PCM1: variants seen among roughly 807,000 people sequenced by gnomAD.
PCM1 encodes pericentriolar material 1 protein.
Under a neutral mutation model 241.9 loss-of-function variants are expected in PCM1, and 157 were observed. The ratio of observed to expected loss-of-function variants is 0.65; its 90% CI spans 0.57 to 0.74. The LOEUF (loss-of-function observed/expected upper bound fraction) is 0.74. PCM1 is among the 30% of genes least tolerant of loss of function. The pLI, the probability that PCM1 is intolerant of heterozygous loss-of-function variation, is 0.00. For missense variants in PCM1, 3,478 were observed against 2,360.1 expected (o/e 1.47, Z -9.81); for synonymous variants, 1,085 against 784.9 (o/e 1.38, Z -6.39).
chr8:18,000,560 A>G (rs574550722), intron 29 of PCM1, among the ~76,000 whole-genome samples: 1 of 151,444 alleles, frequency 6.6e-6, no homozygotes, highest in Non-Finnish European at 1.5e-5. Context: ...CTAGGAGGAA[A>G]TACGATTTAC....
intron 21 of PCM1, among the ~76,000 whole-genome samples, chr8:17,968,121 G>C (rs921191018): frequency 1.3e-5 from 2 of 151,606 alleles, no homozygotes; most frequent in Non-Finnish European, 2.9e-5. Flanking sequence ...AGAGAGATTA[G>C]AAATGAAAGG....
chr8:17,995,354 T>A (rs1054241706), intron 29 of PCM1, among the ~76,000 whole-genome samples: 2 of 151,322 alleles, frequency 1.3e-5, no homozygotes, highest in Admixed American at 6.6e-5. Context: ...TGTGGATTTG[T>A]TTCTGGGTTC....
intron 24 of PCM1, among the ~76,000 whole-genome samples, chr8:17,981,211 G>A (rs577515384): frequency 6.6e-6 from 1 of 152,220 alleles, no homozygotes; most frequent in Admixed American, 6.5e-5. Context: ...TCTTTCTGTG[G>A]CACTGAACTG....
rs114183622 is a variant in PCM1 at position 17,977,585 on chromosome 8, A to T, written c.3944-3006A>T. 7.5e-3 allele frequency among the ~76,000 whole-genome samples: 1,146 copies of T among 152,132 alleles called. 9 individuals are homozygous for T. Among genetic ancestry groups the T allele is most frequent in the African/African-American group, 0.027 (1,100 of 41,508 alleles). ...CTTGGAGAAAGCTATGTTGGAGGAGATCCTTGCAATTCCTCCTGTTATTAA... is the reference window on the plus strand; with the variant it reads ...CTTGGAGAAAGCTATGTTGGAGGAGTTCCTTGCAATTCCTCCTGTTATTAA... On this transcript the variant is annotated intron_variant, in intron 23 of 38. Coordinates refer to ENST00000325083, the MANE Select transcript of PCM1 (RefSeq NM_006197.4).
At chr8:17,938,632 G>A in intron 4 of PCM1, 108 bp from the exon 5 acceptor site, 2 of 725,982 alleles carry the variant, frequency 2.8e-6, no homozygotes, top group Admixed American at 2.4e-5. Context: ...CTCTTTGTGT[G>A]CACCTTCTGA....
intron 36 of PCM1, 141 bp from the exon 37 acceptor site, chr8:18,025,220 A>G (rs1038337025): frequency 8.3e-5 from 37 of 443,926 alleles, no homozygotes; most frequent in African/African-American, 5.5e-4. Flanking sequence ...TATGAACTGC[A>G]TATTTCTAAA....
At chr8:17,972,890 A>G (rs1055172550) in intron 23 of PCM1, among the ~76,000 whole-genome samples, 1 of 152,154 alleles carries the variant, frequency 6.6e-6, no homozygotes, top group African/African-American at 2.4e-5. Flanking sequence ...TTTCTGGATT[A>G]ATGTTGTAAA....
intron 29 of PCM1, among the ~76,000 whole-genome samples, chr8:17,995,033 T>C (rs73196053): frequency 0.048 from 7,300 of 151,584 alleles, 275 homozygotes; most frequent in Non-Finnish European, 0.069. Flanking sequence ...TAACTTGATG[T>C]GATCCCATTT....
chr8:17,949,151 A>T (rs937968119), intron 7 of PCM1, among the ~76,000 whole-genome samples: 1 of 152,206 alleles, frequency 6.6e-6, no homozygotes, highest in African/African-American at 2.4e-5. Context: ...ACTTCATACT[A>T]TTTCAAAAAG....
chr8:18,011,168 AT>A (rs1182774822), intron 32 of PCM1, 68 bp from the exon 33 acceptor site: 3 of 1,047,638 alleles, frequency 2.9e-6, no homozygotes, highest in Non-Finnish European at 4.0e-6. Flanking sequence ...TATTAATACG[AT>A]AGACTTACTA....
Position 17,931,020 on chromosome 8 carries a change from A to C in PCM1, c.-22-4569A>C, listed in dbSNP as rs529444107. Among the ~76,000 whole-genome samples, 14 of 152,304 alleles carry C rather than the reference A, an allele frequency of 9.2e-5. No individual in the cohort carries two copies. The East Asian group carries it at 1.5e-3, about 17-fold the overall frequency. ...TAAGTTACAAAGTATTCTACCCCCT[A>C]TGGCAATCACAGTGTAACAGTGGAT... On this transcript the variant is annotated intron_variant, in intron 2 of 38. Transcript: ENST00000325083.
intron 38 of PCM1, among the ~76,000 whole-genome samples, chr8:18,027,057 C>G (rs2129490542): frequency 6.6e-6 from 1 of 152,232 alleles, no homozygotes; most frequent in South Asian, 2.1e-4. Flanking sequence ...AAAGGGTTTT[C>G]TTTTTGTTGT....
intron 22 of PCM1, 23 bp downstream of exon 22, chr8:17,969,771 T>C (rs1564041786): frequency 1.3e-6 from 2 of 1,539,634 alleles, no homozygotes; most frequent in Non-Finnish European, 1.8e-6. Context: ...AACAGTCTTT[T>C]ATTGCTTAAA....
intron 23 of PCM1, among the ~76,000 whole-genome samples, chr8:17,974,794 T>G (rs2078095566): frequency 6.6e-6 from 1 of 151,982 alleles, no homozygotes; most frequent in South Asian, 2.1e-4. Flanking sequence ...CTGTTTGAAA[T>G]GTACAGTCAC....
rs149049841 is a variant in PCM1, at chr8:17,933,429, A to G, written c.-22-2160A>G. On this transcript the variant is annotated intron_variant, in intron 2 of 38. Transcript: ENST00000325083. The stretch of plus-strand genomic sequence containing the variant: ...TCCGATATGTTTATTCTTCCAGATA[A>G]ATTTTAGAATTATTTTGTCAAGTTC... Among the ~76,000 whole-genome samples the G allele has an allele frequency of 7.2e-5, 11 of 152,290 alleles. No homozygotes were observed. In the East Asian group the frequency reaches 1.4e-3, roughly 19 times the overall value.
In PCM1 at chr8:17,959,994, A is replaced by G. The variant is rs750747386; in HGVS notation, c.2041-20A>G. 1.9e-6 allele frequency: 3 copies of G among 1,609,028 alleles called. No homozygotes were observed. Among genetic ancestry groups the G allele is most frequent in the African/African-American group, 2.7e-5 (2 of 74,784 alleles). ...GTCTTGAGGTATCAAGATTGTTTTA[A>G]TGTAATGATGCTCTTTCAGGATGAT... On this transcript the variant is annotated intron_variant, in intron 13 of 38. Coordinates refer to ENST00000325083, the MANE Select transcript of PCM1 (RefSeq NM_006197.4).
Position 17,964,569 on chromosome 8 carries a change from A to C in PCM1, c.2656A>C (p.Thr886Pro). Residue 886 changes from threonine (T) to proline (P), a missense_variant and splice_region_variant, in exon 18 of 39, where the codon ACG becomes CCG. By Grantham distance (38) the Thr-to-Pro change is conservative (BLOSUM62 -1). Coordinates refer to ENST00000325083, the MANE Select transcript of PCM1 (RefSeq NM_006197.4). Reference protein sequence around the residue: ...CTPQQSRTEKTMATWGGSTQC... With the variant: ...CTPQQSRTEKPMATWGGSTQC... The stretch of plus-strand genomic sequence containing the variant: ...TGTTTTATGTCTCTTAATCACTAGA[A>C]CGATGGCAACTTGGGGAGGGTCTAC... The C allele has an allele frequency of 6.2e-7, 1 of 1,612,304 alleles. No homozygotes were observed. The highest frequency in any genetic ancestry group is 8.5e-7 in the Non-Finnish European group (1 of 1,178,740).
intron 22 of PCM1, 98 bp downstream of exon 22, chr8:17,969,846 T>C (rs891895894): frequency 2.2e-6 from 2 of 914,018 alleles, no homozygotes; most frequent in Non-Finnish European, 3.4e-6. Flanking sequence ...AGGACGTTTG[T>C]GATGATTTGG....
At chr8:17,954,666 AAAT>A (rs759600625) in intron 9 of PCM1, among the ~76,000 whole-genome samples, 7 of 152,302 alleles carry the variant, frequency 4.6e-5, no homozygotes, top group South Asian at 4.1e-4. Flanking sequence ...AGTGAGCAAC[AAAT>A]AATGATGGTT....
Sources: allele counts gnomAD v4.1 joint callset (sites outside exome capture counted in the v4.1 genomes callset), GRCh38; gene constraint gnomAD v4.1.1; transcripts MANE v1.5; gene names NCBI Gene and HGNC (gene_info 2026-07-23, HGNC 2026-07-21).